PDZRN3: variants seen among roughly 807,000 people sequenced by gnomAD.
PDZRN3 encodes the protein E3 ubiquitin-protein ligase PDZRN3.
PDZRN3 carries 38 observed loss-of-function variants against 85.7 expected under a neutral mutation model. That is an observed-to-expected ratio of 0.44 (90% confidence interval 0.34 to 0.58). PDZRN3 has a LOEUF of 0.58. Among genes scored for constraint, PDZRN3 ranks in the 20% least tolerant of loss-of-function variants. PDZRN3 has a pLI of 0.01. For synonymous variants in PDZRN3, 759 were observed against 638.0 expected (o/e 1.19, Z -2.86); for missense variants, 1,629 against 1,506.4 (o/e 1.08, Z -1.35).
intron 3 of PDZRN3, among the ~76,000 whole-genome samples, chr3:73,466,872 A>G (rs1575673147): frequency 6.6e-6 from 1 of 152,326 alleles, no homozygotes; most frequent in African/African-American, 2.4e-5. Flanking sequence ...AATTTTCCAG[A>G]AAAAGCAGAG....
intron 3 of PDZRN3, among the ~76,000 whole-genome samples, chr3:73,531,189 T>A (rs1010605074): frequency 1.4e-5 from 2 of 142,060 alleles, no homozygotes; most frequent in African/African-American, 2.7e-5. Flanking sequence ...AGGCGGAGCT[T>A]GCAGTGAGCC....
chr3:73,497,974 G>A (rs981499834), intron 3 of PDZRN3, among the ~76,000 whole-genome samples: 2 of 152,146 alleles, frequency 1.3e-5, no homozygotes, highest in African/African-American at 4.8e-5. Flanking sequence ...GTAGGGTCTG[G>A]GAAGATGCTG....
intron 3 of PDZRN3, among the ~76,000 whole-genome samples, chr3:73,542,278 A>C (rs1412052250): frequency 1.3e-5 from 2 of 152,198 alleles, no homozygotes; most frequent in Non-Finnish European, 2.9e-5. Flanking sequence ...ACAGGTAACC[A>C]GCACCTGGGC....
intron 3 of PDZRN3, among the ~76,000 whole-genome samples, chr3:73,524,845 CA>C (rs11284625): frequency 0.016 from 2,496 of 151,922 alleles, 74 homozygotes; most frequent in African/African-American, 0.057. Flanking sequence ...GGAGGTGAAA[CA>C]TACCACAGAA....
chr3:73,602,051 A>G (rs1702522908), intron 3 of PDZRN3, among the ~76,000 whole-genome samples: 1 of 152,212 alleles, frequency 6.6e-6, no homozygotes, highest in South Asian at 2.1e-4. Flanking sequence ...TGGTTCTAAC[A>G]TCCAACTCTT....
At chr3:73,604,592 T>C (rs1008326007) in intron 2 of PDZRN3, among the ~76,000 whole-genome samples, 1 of 152,122 alleles carries the variant, frequency 6.6e-6, no homozygotes, top group African/African-American at 2.4e-5. Context: ...CTATGGAATA[T>C]TCCACTAGAT....
chr3:73,486,309 C>G (rs1162076113), intron 3 of PDZRN3, among the ~76,000 whole-genome samples: 2 of 152,000 alleles, frequency 1.3e-5, no homozygotes, highest in Non-Finnish European at 2.9e-5. Flanking sequence ...GGGTGGGATT[C>G]CAATCCAGGC....
At chr3:73,451,533 T>C (rs561132389) in intron 3 of PDZRN3, among the ~76,000 whole-genome samples, 1 of 152,266 alleles carries the variant, frequency 6.6e-6, no homozygotes, top group African/African-American at 2.4e-5. Context: ...GTCTGTCACT[T>C]TGGTCATGGT....
At chr3:73,574,943 C>T (rs1239257217) in intron 3 of PDZRN3, among the ~76,000 whole-genome samples, 1 of 152,218 alleles carries the variant, frequency 6.6e-6, no homozygotes, top group African/African-American at 2.4e-5. Flanking sequence ...TTTTATATCT[C>T]TCAGCTCACC....
chr3:73,397,997 G>C (rs963970336), intron 5 of PDZRN3, among the ~76,000 whole-genome samples: 3 of 152,156 alleles, frequency 2.0e-5, no homozygotes, highest in Admixed American at 2.0e-4. Context: ...GTGACTTCGT[G>C]ATTTTGCATT....
At chr3:73,388,382 G>A (rs931554213) in intron 7 of PDZRN3, among the ~76,000 whole-genome samples, 3 of 152,084 alleles carry the variant, frequency 2.0e-5, no homozygotes, top group Non-Finnish European at 2.9e-5. Context: ...GCTCTGCAGA[G>A]GGAACATGGA....
At chr3:73,398,254 G>C (rs1701679645) in intron 5 of PDZRN3, among the ~76,000 whole-genome samples, 1 of 152,136 alleles carries the variant, frequency 6.6e-6, no homozygotes, top group Admixed American at 6.5e-5. Flanking sequence ...ACACTGCAGG[G>C]ACAGTGTGGA....
intron 2 of PDZRN3, among the ~76,000 whole-genome samples, chr3:73,605,787 A>C (rs1363913626): frequency 6.6e-6 from 1 of 152,232 alleles, no homozygotes; most frequent in Non-Finnish European, 1.5e-5. Context: ...TTTGAAAAAC[A>C]CTATGGCAAA....
At chr3:73,464,923 T>C (rs1703183010) in intron 3 of PDZRN3, among the ~76,000 whole-genome samples, 2 of 152,200 alleles carry the variant, frequency 1.3e-5, no homozygotes, top group South Asian at 4.1e-4. Flanking sequence ...AATATATTGT[T>C]ATGTAGTCAT....
intron 3 of PDZRN3, among the ~76,000 whole-genome samples, chr3:73,520,280 GGGCTGTTT>G (rs1180948303): frequency 6.6e-6 from 1 of 152,114 alleles, no homozygotes; most frequent in Non-Finnish European, 1.5e-5. Flanking sequence ...TGAGGTGGGA[GGGCTGTTT>G]GATCCCAGAA....
At chr3:73,518,514 A>C (rs1427827697) in intron 3 of PDZRN3, among the ~76,000 whole-genome samples, 1 of 152,182 alleles carries the variant, frequency 6.6e-6, no homozygotes, top group East Asian at 1.9e-4. Flanking sequence ...TATGTTATTT[A>C]TATTTTACCA....
At chr3:73,488,707 T>G (rs1703711955) in intron 3 of PDZRN3, among the ~76,000 whole-genome samples, 1 of 152,250 alleles carries the variant, frequency 6.6e-6, no homozygotes. Flanking sequence ...CAGGGCTGGC[T>G]TCGTGCACTT....
chr3:73,601,949 A>AG (rs1285165031), intron 3 of PDZRN3, among the ~76,000 whole-genome samples: 2 of 152,200 alleles, frequency 1.3e-5, no homozygotes, highest in Non-Finnish European at 2.9e-5. Context: ...GTGAGCTCTG[A>AG]GGACATTAGA....
At chr3:73,603,483 G>A (rs1702546538) in intron 2 of PDZRN3, among the ~76,000 whole-genome samples, 1 of 152,186 alleles carries the variant, frequency 6.6e-6, no homozygotes, top group Admixed American at 6.5e-5. Context: ...GTGATTAACA[G>A]ATGGATTTAT....
Sources: gnomAD v4.1 joint callset for allele counts (sites outside exome capture counted in the v4.1 genomes callset) on GRCh38, gnomAD v4.1.1 for gene constraint, MANE v1.5 for transcripts, NCBI Gene and HGNC (gene_info 2026-07-23, HGNC 2026-07-21) for gene names.